Variants in PREX1 observed in about 807,000 individuals in gnomAD.
The protein encoded by PREX1 is phosphatidylinositol 3,4,5-trisphosphate-dependent Rac exchanger 1 protein.
In PREX1, 41 loss-of-function variants were observed where a neutral mutation model predicts 198.3. The ratio of observed to expected loss-of-function variants is 0.21; its 90% CI spans 0.16 to 0.27. The LOEUF is 0.27. PREX1 is among the 10% of genes least tolerant of loss of function. The pLI, the probability that PREX1 is intolerant of heterozygous loss-of-function variation, is 1.00. For missense variants in PREX1, 1,620 were observed against 2,200.7 expected, an observed-to-expected ratio of 0.74 and a Z score of 5.28; for synonymous variants, 843 against 887.2, an observed-to-expected ratio of 0.95 and a Z score of 0.89.
chr20:48,878,574 G>C, the PREX1 span, among the ~76,000 whole-genome samples: 1 of 152,102 alleles, frequency 6.6e-6, no homozygotes, highest in Non-Finnish European at 1.5e-5. Flanking sequence ...TACTGACCTT[G>C]TGATCCATCC....
chr20:48,658,235 G>A lies in PREX1; in HGVS notation c.1882-7C>T, dbSNP rs1480025863. 9 of 1,613,506 alleles carry A rather than the reference G, an allele frequency of 5.6e-6. No individual in the cohort carries two copies. Among genetic ancestry groups the A allele is most frequent in the Non-Finnish European group, 7.6e-6 (9 of 1,179,758 alleles). On this transcript the variant is annotated splice_polypyrimidine_tract_variant and splice_region_variant and intron_variant, in intron 16 of 39. Transcript: ENST00000371941. ...CCTCCTCCTGGGGCAGGATCTGGGG[G>A]CCCAGGGCAGAAGGAACCCGGTCAG...
chr20:48,809,184 G>A (rs2090424401), intron 1 of PREX1, among the ~76,000 whole-genome samples: 1 of 152,208 alleles, frequency 6.6e-6, no homozygotes. Context: ...GTCAAGGAAG[G>A]CCTCCCAAGG....
chr20:48,778,534 G>A (rs1226624946), intron 1 of PREX1, among the ~76,000 whole-genome samples: 2 of 152,008 alleles, frequency 1.3e-5, no homozygotes, highest in Non-Finnish European at 2.9e-5. Context: ...AGGTTGCAGT[G>A]AGCCAAGATG....
At chr20:48,656,694 T>C (rs1188240890) in intron 18 of PREX1, among the ~76,000 whole-genome samples, 2 of 152,180 alleles carry the variant, frequency 1.3e-5, no homozygotes, top group Admixed American at 6.5e-5. Flanking sequence ...CCCGGGTTTA[T>C]AGAAACTTAT....
intron 11 of PREX1, 126 bp downstream of exon 11, chr20:48,681,109 C>T: frequency 1.2e-6 from 1 of 832,962 alleles, no homozygotes; most frequent in South Asian, 1.6e-5. Flanking sequence ...GCGGGCCACA[C>T]TGTGCCCAGA....
intron 14 of PREX1, among the ~76,000 whole-genome samples, chr20:48,669,205 C>T (rs1173034635): frequency 6.6e-6 from 1 of 151,888 alleles, no homozygotes; most frequent in African/African-American, 2.4e-5. Context: ...CCTTTGCACT[C>T]GTCCTTTCCT....
intron 1 of PREX1, among the ~76,000 whole-genome samples, chr20:48,778,393 A>C (rs184950883): frequency 6.6e-6 from 1 of 150,882 alleles, no homozygotes; most frequent in East Asian, 1.9e-4. Context: ...GGCCAAAAGG[A>C]TGAAATCCCG....
intron 1 of PREX1, among the ~76,000 whole-genome samples, chr20:48,788,554 G>C (rs1023409812): frequency 6.6e-6 from 1 of 152,162 alleles, no homozygotes; most frequent in Non-Finnish European, 1.5e-5. Flanking sequence ...TTCTTTGTAC[G>C]TTGAGCCCCT....
At chr20:48,667,442 C>G (rs943605018) in intron 14 of PREX1, among the ~76,000 whole-genome samples, 2 of 152,204 alleles carry the variant, frequency 1.3e-5, no homozygotes, top group Admixed American at 6.5e-5. Flanking sequence ...AGCAGCACCA[C>G]TCCTCCCTGC....
chr20:48,648,677 G>A (rs2089468825), intron 25 of PREX1, among the ~76,000 whole-genome samples: 1 of 152,160 alleles, frequency 6.6e-6, no homozygotes, highest in South Asian at 2.1e-4. Context: ...GGCTGCATCT[G>A]GCAGGTCCGT....
At chr20:48,833,203 G>A in the PREX1 span, among the ~76,000 whole-genome samples, 1 of 152,140 alleles carries the variant, frequency 6.6e-6, no homozygotes, top group East Asian at 1.9e-4. Context: ...GTTTGCTATT[G>A]TAAGTGGATG....
chr20:48,696,143 ACT>A (rs2089844286), intron 7 of PREX1, among the ~76,000 whole-genome samples: 1 of 152,044 alleles, frequency 6.6e-6, no homozygotes, highest in African/African-American at 2.4e-5. Flanking sequence ...TTATAACTAT[ACT>A]CTTTGTCCTG....
chr20:48,859,882 G>A, the PREX1 span, among the ~76,000 whole-genome samples: 1 of 152,220 alleles, frequency 6.6e-6, no homozygotes, highest in Non-Finnish European at 1.5e-5. Context: ...GCCAGGCATG[G>A]TGGCGCATGC....
chr20:48,648,257 T>C (rs576807453), intron 25 of PREX1, among the ~76,000 whole-genome samples: 2 of 152,348 alleles, frequency 1.3e-5, no homozygotes, highest in Non-Finnish European at 2.9e-5. Context: ...CCACCACACC[T>C]ACTTCCGCAG....
intron 25 of PREX1, 31 bp downstream of exon 25, chr20:48,649,269 C>T (rs1304957378): frequency 6.3e-7 from 1 of 1,598,952 alleles, no homozygotes; most frequent in East Asian, 2.2e-5. Context: ...CCTGCCCCTG[C>T]TCACGCCGGA....
In PREX1 at chr20:48,676,214, C is replaced by G. The variant is rs758384937; in HGVS notation, c.1644G>C (p.Leu548=). The change falls in exon 14 of 40, where the codon CTG becomes CTC. Residue 548 remains leucine, a synonymous_variant. Coordinates refer to ENST00000371941, the MANE Select transcript of PREX1 (RefSeq NM_020820.4). ...TCACCTGAGCCAGCAGCCAGTCCAC[C>G]AGCTTGCTCCCGGGAAGCACTGACT... The part of the protein sequence containing the change: ...TYKSVLPGSK[L]VDWLLAQGDC... The G allele has an allele frequency of 2.5e-6, 4 of 1,613,992 alleles. No individual in the cohort carries two copies. The African/African-American group carries it at 5.3e-5, about 22-fold the overall frequency.
At chr20:48,739,853 C>T (rs1409416555) in intron 3 of PREX1, among the ~76,000 whole-genome samples, 1 of 152,182 alleles carries the variant, frequency 6.6e-6, no homozygotes, top group African/African-American at 2.4e-5. Flanking sequence ...GCCTTGGTTT[C>T]CTCATCTGTA....
At chr20:48,710,839 G>A (rs8125011) in intron 5 of PREX1, among the ~76,000 whole-genome samples, 2,447 of 152,328 alleles carry the variant, frequency 0.016, 75 homozygotes, top group African/African-American at 0.057. Context: ...ACGTGCAAAG[G>A]CCCTGAGGCA....
chr20:48,639,952 G>A (rs1419051180), intron 29 of PREX1, 58 bp from the exon 30 acceptor site: 17 of 1,578,996 alleles, frequency 1.1e-5, no homozygotes, highest in African/African-American at 4.0e-5. Flanking sequence ...GTTGGAGAAC[G>A]GTGGCACAAA....
Sources: allele counts gnomAD v4.1 joint callset (sites outside exome capture counted in the v4.1 genomes callset), GRCh38; gene constraint gnomAD v4.1.1; transcripts MANE v1.5; gene names NCBI Gene and HGNC (gene_info 2026-07-23, HGNC 2026-07-21).